Variants in PSD3 observed in about 807,000 individuals in gnomAD.
The protein encoded by PSD3 is pleckstrin and Sec7 domain containing 3, also known as PH and SEC7 domain-containing protein 3.
Under a neutral mutation model 105.5 loss-of-function variants are expected in PSD3, and 49 were observed. The ratio of observed to expected loss-of-function variants is 0.46; its 90% CI spans 0.37 to 0.59. The LOEUF (loss-of-function observed/expected upper bound fraction) is 0.59, where lower values mean the gene tolerates loss of function less well. PSD3 is among the 20% of genes least tolerant of loss of function. The pLI, the probability that PSD3 is intolerant of heterozygous loss-of-function variation, is 0.00. For synonymous variants in PSD3, 557 were observed against 457.8 expected (o/e 1.22, Z -2.77); for missense variants, 1,561 against 1,263.8 (o/e 1.24, Z -3.57).
chr8:19,017,426 C>A (rs80038167), upstream of PSD3, among the ~76,000 whole-genome samples: 14,510 of 152,144 alleles, frequency 0.095, 873 homozygotes, highest in Non-Finnish European at 0.14. Flanking sequence ...ACATACCACA[C>A]AACTCACCCA....
chr8:19,002,284 C>A (rs553015472), intron 1 of PSD3, among the ~76,000 whole-genome samples: 1 of 152,012 alleles, frequency 6.6e-6, no homozygotes, highest in African/African-American at 2.4e-5. Flanking sequence ...GGCGACAACT[C>A]CCCCGTCTTC....
chr8:18,790,305 C>CTTTTT (rs772350691), intron 8 of PSD3, among the ~76,000 whole-genome samples: 6 of 133,388 alleles, frequency 4.5e-5, no homozygotes, highest in Non-Finnish European at 6.4e-5. Flanking sequence ...TTTTTCTTTT[C>CTTTTT]TTTTTTTTTT....
At position 18,532,469 on chromosome 8, in the gene PSD3, G is replaced by C. The variant is rs1266245723; in HGVS notation, c.*3274C>G. ...ATAGAGGGTCTTGTGTTTGCCACAA[G>C]ACCACTGCACCAAAAAATGCTTTCT... On this transcript the variant is annotated 3_prime_UTR_variant, in exon 16 of 16. Transcript: ENST00000327040. 1 of 152,148 alleles carries C rather than the reference G, an allele frequency of 6.6e-6. No individual in the cohort carries two copies. Among genetic ancestry groups the C allele is most frequent in the Non-Finnish European group, 1.5e-5 (1 of 68,038 alleles). The allele number at this position is 152,148 out of a possible 1,614,324, so 9.4% of individuals were successfully genotyped here.
At chr8:18,603,960 A>G (rs929705579) in intron 11 of PSD3, among the ~76,000 whole-genome samples, 2 of 152,210 alleles carry the variant, frequency 1.3e-5, no homozygotes, top group East Asian at 3.9e-4. Context: ...CTCTTTTCTT[A>G]TAAATTACCC....
intron 1 of PSD3, among the ~76,000 whole-genome samples, chr8:19,002,426 C>T (rs1421027844): frequency 6.6e-6 from 1 of 151,910 alleles, no homozygotes; most frequent in Non-Finnish European, 1.5e-5. Flanking sequence ...ATGAGGTATA[C>T]TTTTTAAGGA....
intron 8 of PSD3, among the ~76,000 whole-genome samples, chr8:18,784,069 T>C (rs576250901): frequency 2.6e-5 from 4 of 152,182 alleles, no homozygotes; most frequent in South Asian, 2.1e-4. Flanking sequence ...TCCAGAAACA[T>C]GTTTTGTATG....
intron 8 of PSD3, among the ~76,000 whole-genome samples, chr8:18,783,662 C>G (rs1808851020): frequency 6.6e-6 from 1 of 152,172 alleles, no homozygotes; most frequent in Non-Finnish European, 1.5e-5. Context: ...GAGACGTAGT[C>G]TTGCTCTGTT....
chr8:18,730,508 T>C (rs1160645021), intron 9 of PSD3, among the ~76,000 whole-genome samples: 1 of 152,206 alleles, frequency 6.6e-6, no homozygotes, highest in Non-Finnish European at 1.5e-5. Context: ...TTTAACGAAG[T>C]TGACCCTTAG....
intron 9 of PSD3, among the ~76,000 whole-genome samples, chr8:18,726,686 T>C (rs1000437371): frequency 3.3e-5 from 5 of 152,186 alleles, no homozygotes; most frequent in African/African-American, 9.6e-5. Context: ...CCCTAGAACA[T>C]GCTTAATAGG....
intron 1 of PSD3, among the ~76,000 whole-genome samples, chr8:18,974,248 C>T (rs1320804123): frequency 1.3e-5 from 2 of 152,226 alleles, no homozygotes; most frequent in Non-Finnish European, 2.9e-5. Flanking sequence ...AAGCCTTCCT[C>T]AAACTCAGAC....
chr8:18,735,263 C>A (rs13439117), intron 9 of PSD3, among the ~76,000 whole-genome samples: 1 of 151,796 alleles, frequency 6.6e-6, no homozygotes, highest in Non-Finnish European at 1.5e-5. Context: ...TGTTGAGATA[C>A]GGAAATAATG....
intron 4 of PSD3, among the ~76,000 whole-genome samples, chr8:18,862,743 C>T (rs1586255682): frequency 6.6e-6 from 1 of 151,884 alleles, no homozygotes; most frequent in Admixed American, 6.6e-5. Flanking sequence ...TTTTTCAAAT[C>T]GCACTTCAAC....
intron 1 of PSD3, among the ~76,000 whole-genome samples, chr8:19,067,012 A>G (rs1413796068): frequency 6.6e-6 from 1 of 152,198 alleles, no homozygotes; most frequent in Non-Finnish European, 1.5e-5. Context: ...TATTATTATT[A>G]GTTATAATCA....
intron 2 of PSD3, among the ~76,000 whole-genome samples, chr8:18,877,116 C>G (rs1354036781): frequency 1.3e-5 from 2 of 152,166 alleles, no homozygotes; most frequent in African/African-American, 4.8e-5. Flanking sequence ...TGTGAGTGGT[C>G]ATTTTTCACT....
intron 1 of PSD3, among the ~76,000 whole-genome samples, chr8:19,063,913 G>A (rs2129477680): frequency 6.6e-6 from 1 of 152,218 alleles, no homozygotes; most frequent in East Asian, 1.9e-4. Flanking sequence ...AGGCCGAAGT[G>A]GGTGGATCAC....
intron 4 of PSD3, among the ~76,000 whole-genome samples, chr8:18,828,049 A>ATG (rs1813356132): frequency 3.7e-5 from 4 of 109,198 alleles, no homozygotes; most frequent in African/African-American, 1.5e-4. Context: ...ATATATATGT[A>ATG]TATATATATA....
rs181871406 is a variant in PSD3, at chr8:19,046,631, C to A, written c.324+37575G>T. On this transcript the variant is annotated intron_variant, in intron 1 of 1. Coordinates refer to the PSD3 transcript ENST00000521475. ...TTTGAAATGCCCAAGTATAACTTTGCCTTGAGTTTCCAAGACAAGCTCAAG... is the reference window on the plus strand; with the variant it reads ...TTTGAAATGCCCAAGTATAACTTTGACTTGAGTTTCCAAGACAAGCTCAAG... 5.3e-5 allele frequency among the ~76,000 whole-genome samples: 8 copies of A among 152,282 alleles called. No individual in the cohort carries two copies. The East Asian group carries it at 1.5e-3, about 29-fold the overall frequency.
chr8:18,631,244 G>T (rs146677341), intron 11 of PSD3, among the ~76,000 whole-genome samples: 1 of 152,036 alleles, frequency 6.6e-6, no homozygotes, highest in East Asian at 1.9e-4. Context: ...CTGCACACTG[G>T]AAAGAAACAA....
chr8:18,796,290 C>A (rs1810172056), intron 8 of PSD3, among the ~76,000 whole-genome samples: 1 of 152,092 alleles, frequency 6.6e-6, no homozygotes, highest in African/African-American at 2.4e-5. Flanking sequence ...ACCTCAGCAA[C>A]CTGCTACCAT....
Sources: allele counts gnomAD v4.1 joint callset (sites outside exome capture counted in the v4.1 genomes callset), GRCh38; gene constraint gnomAD v4.1.1; transcripts MANE v1.5; gene names NCBI Gene and HGNC (gene_info 2026-07-23, HGNC 2026-07-21).